Variants in DRC3 observed in about 807,000 individuals in gnomAD.
DRC3 encodes leucine rich repeat containing 48.
A neutral mutation model predicts 57.6 loss-of-function variants in DRC3; 45 were observed. That is an observed-to-expected ratio of 0.78 (90% CI 0.62 to 1.00). The LOEUF (loss-of-function observed/expected upper bound fraction) is 1.00. Ranked by LOEUF, DRC3 falls within the 50% of genes least tolerant of loss-of-function variation. DRC3 has a pLI of 0.00. For missense variants in DRC3, 655 were observed against 675.2 expected (o/e 0.97, Z 0.33); for synonymous variants, 257 against 272.3 (o/e 0.94, Z 0.55).
intron 9 of DRC3, among the ~76,000 whole-genome samples, chr17:18,003,484 TAA>T (rs71155309): frequency 0.22 from 6,601 of 29,934 alleles, 422 homozygotes; most frequent in South Asian, 0.38. Context: ...ACTACGTCTT[TAA>T]AAAAAAAAAA....
chr17:17,997,616 C>T lies in DRC3; in HGVS notation c.981C>T (p.Phe327=), dbSNP rs563141191. The part of the protein sequence containing the change: ...QEQGKRKIAK[F]EEKHLSSLSA... ...AGGGCAAACGCAAGATTGCCAAATT[C>T]GAGGAGAAGCACTTGTCGGTAGGCC... The change falls in exon 9 of 14, where the codon TTC becomes TTT. Residue 327 remains phenylalanine (F), a synonymous_variant. Transcript: ENST00000399187. The T allele has an allele frequency of 5.0e-6, 8 of 1,607,740 alleles. No homozygotes were observed. Among genetic ancestry groups the T allele is most frequent in the African/African-American group, 4.0e-5 (3 of 74,808 alleles).
intron 9 of DRC3, among the ~76,000 whole-genome samples, chr17:18,003,062 G>A (rs1277471329): frequency 1.3e-5 from 2 of 152,174 alleles, no homozygotes; most frequent in South Asian, 2.1e-4. Flanking sequence ...TTGTGAGAAC[G>A]TGACAAGACA....
chr17:18,000,287 G>C (rs1324975837), intron 9 of DRC3, among the ~76,000 whole-genome samples: 2 of 126,724 alleles, frequency 1.6e-5, no homozygotes, highest in African/African-American at 3.1e-5. Flanking sequence ...GCCTTGCTCT[G>C]TACTTTGCTT....
chr17:17,988,931 T>C (rs1597581477), intron 5 of DRC3, among the ~76,000 whole-genome samples: 1 of 152,136 alleles, frequency 6.6e-6, no homozygotes, highest in East Asian at 1.9e-4. Context: ...GGTCAAGCCT[T>C]CTATGCCTCA....
rs377123621 is a variant in DRC3, at chr17:18,008,242, A to C, written c.1326+1095A>C. Among the ~76,000 whole-genome samples, 9 of 152,178 alleles carry C rather than the reference A, an allele frequency of 5.9e-5. No individual in the cohort carries two copies. Among genetic ancestry groups the C allele is most frequent in the African/African-American group, 1.9e-4 (8 of 41,432 alleles). ...GGCTTGTCCTTGTCATTCAGATTTCAGCTTGACTATCAGCTCTTGGGAGAG... is the reference window on the plus strand; with the variant it reads ...GGCTTGTCCTTGTCATTCAGATTTCCGCTTGACTATCAGCTCTTGGGAGAG... On this transcript the variant is annotated intron_variant, in intron 12 of 13. Transcript: ENST00000399187. The surrounding 1 kb of genome is among the most constrained non-coding windows in gnomAD (Gnocchi z 4.3).
At chr17:17,982,817 G>A (rs536401017) in intron 3 of DRC3, among the ~76,000 whole-genome samples, 2 of 151,678 alleles carry the variant, frequency 1.3e-5, no homozygotes, top group African/African-American at 2.4e-5. Context: ...CTTGTGATCC[G>A]CCCGCCTCGG....
intron 4 of DRC3, among the ~76,000 whole-genome samples, chr17:17,985,452 T>C (rs1401638845): frequency 1.3e-5 from 2 of 152,124 alleles, no homozygotes; most frequent in Non-Finnish European, 2.9e-5. Flanking sequence ...TGGCACTAGG[T>C]GCCCAGGGAC....
At chr17:17,983,264 G>A (rs2042797041) in intron 3 of DRC3, among the ~76,000 whole-genome samples, 1 of 152,164 alleles carries the variant, frequency 6.6e-6, no homozygotes, top group African/African-American at 2.4e-5. Context: ...CGTGCCTGAG[G>A]GATTCCTTTG....
intron 9 of DRC3, among the ~76,000 whole-genome samples, chr17:18,002,095 G>A (rs1186555311): frequency 6.6e-6 from 1 of 152,024 alleles, no homozygotes. Flanking sequence ...TGGAAACTGG[G>A]AGACAGAGGT....
At chr17:17,994,449 C>T (rs1210556788) in intron 7 of DRC3, 31 bp downstream of exon 7, 1 of 1,547,708 alleles carries the variant, frequency 6.5e-7, no homozygotes, top group Non-Finnish European at 8.7e-7. Flanking sequence ...ACGCCCTCGG[C>T]CCCCTCAGAT....
At chr17:18,003,747 A>T (rs2043840181) in intron 9 of DRC3, among the ~76,000 whole-genome samples, 1 of 138,088 alleles carries the variant, frequency 7.2e-6, no homozygotes, top group African/African-American at 2.7e-5. Context: ...GGTTCACGCC[A>T]TTCTCCTGCC....
chr17:18,004,560 T>C (rs2043876317), intron 10 of DRC3, 66 bp downstream of exon 10: 6 of 1,557,628 alleles, frequency 3.9e-6, no homozygotes, highest in African/African-American at 1.4e-5. Context: ...ATAGGTGAAC[T>C]GTAGCCTTCA....
intron 10 of DRC3, chr17:18,005,357 T>C (rs1384720663): frequency 6.6e-6 from 1 of 152,214 alleles, no homozygotes; most frequent in Admixed American, 6.6e-5. Flanking sequence ...GTTTGAAAAT[T>C]ATGTGAGGTG....
intron 3 of DRC3, among the ~76,000 whole-genome samples, chr17:17,979,414 C>T (rs371014480): frequency 2.7e-5 from 4 of 150,844 alleles, no homozygotes; most frequent in African/African-American, 9.8e-5. Flanking sequence ...GGCCAGGGGC[C>T]GAGGCAAGGA....
intron 9 of DRC3, among the ~76,000 whole-genome samples, chr17:17,999,992 G>C (rs1391113206): frequency 6.6e-6 from 1 of 151,866 alleles, no homozygotes; most frequent in African/African-American, 2.4e-5. Context: ...GTGTGTGTGT[G>C]AGCATAGCAT....
intron 3 of DRC3, among the ~76,000 whole-genome samples, chr17:17,978,162 G>A (rs991634927): frequency 6.6e-6 from 1 of 152,138 alleles, no homozygotes; most frequent in Non-Finnish European, 1.5e-5. Flanking sequence ...GAATGAGAGC[G>A]GGCACTGGGA....
At chr17:17,994,932 G>T in intron 7 of DRC3, 67 bp from the exon 8 acceptor site, 1 of 1,049,380 alleles carries the variant, frequency 9.5e-7, no homozygotes, top group East Asian at 2.4e-5. Flanking sequence ...CCTTCCTCAT[G>T]GGCCTGTGAG....
intron 9 of DRC3, among the ~76,000 whole-genome samples, chr17:18,000,897 ATTAT>A (rs2043702555): frequency 6.6e-6 from 1 of 151,658 alleles, no homozygotes; most frequent in Admixed American, 6.6e-5. Context: ...CTCTTCTTAA[ATTAT>A]TTATTATTAT....
chr17:17,974,911 GTGA>G (rs2042311332), intron 2 of DRC3, among the ~76,000 whole-genome samples: 1 of 152,208 alleles, frequency 6.6e-6, no homozygotes, highest in African/African-American at 2.4e-5. Flanking sequence ...GACTAAATAC[GTGA>G]TCTCACACAA....
Sources: gnomAD v4.1 joint callset for allele counts (sites outside exome capture counted in the v4.1 genomes callset) on GRCh38, gnomAD v4.1.1 for gene constraint, Gnocchi (gnomAD v3.1) non-coding constraint, MANE v1.5 for transcripts, NCBI Gene and HGNC (gene_info 2026-07-23, HGNC 2026-07-21) for gene names.